The following KIAA0825 variants were observed in gnomAD, a reference collection of about 807,000 sequenced individuals.
KIAA0825 encodes uncharacterized protein KIAA0825.
Under a neutral mutation model 147.6 loss-of-function variants are expected in KIAA0825, and 119 were observed. The ratio of observed to expected loss-of-function variants is 0.81; its 90% CI spans 0.69 to 0.94. KIAA0825 has a LOEUF of 0.94. Ranked by LOEUF, KIAA0825 falls within the 40% of genes least tolerant of loss-of-function variation. The probability of loss-of-function intolerance (pLI) is 0.00; values close to 1 mark genes in which losing one functional copy is unlikely to be tolerated. For synonymous variants in KIAA0825, 470 were observed against 518.1 expected, an observed-to-expected ratio of 0.91 and a Z score of 1.26; for missense variants, 1,381 against 1,472.7, an observed-to-expected ratio of 0.94 and a Z score of 1.02.
At chr5:94,471,354 A>G in intron 9 of KIAA0825, 112 bp downstream of exon 9, 1 of 1,119,832 alleles carries the variant, frequency 8.9e-7, no homozygotes, top group South Asian at 1.7e-5. Context: ...TCACCTTGTT[A>G]ATTATTATTT....
intron 2 of KIAA0825, among the ~76,000 whole-genome samples, chr5:94,564,833 G>A (rs192899522): frequency 2.0e-4 from 30 of 151,744 alleles, no homozygotes; most frequent in African/African-American, 7.0e-4. Flanking sequence ...CCCTGTGCAG[G>A]GTTCAAACCC....
intron 2 of KIAA0825, among the ~76,000 whole-genome samples, chr5:94,545,245 G>A (rs921266789): frequency 7.9e-5 from 12 of 152,148 alleles, no homozygotes; most frequent in African/African-American, 2.9e-4. Flanking sequence ...ACAGGCTGCG[G>A]TGCTCTGGGG....
intron 20 of KIAA0825, among the ~76,000 whole-genome samples, chr5:94,172,488 C>G (rs928835894): frequency 6.6e-6 from 1 of 152,174 alleles, no homozygotes; most frequent in Non-Finnish European, 1.5e-5. Flanking sequence ...TACTCAGCAG[C>G]TTAAAACAAT....
At chr5:94,206,511 G>T (rs1199168597) in intron 20 of KIAA0825, among the ~76,000 whole-genome samples, 1 of 152,130 alleles carries the variant, frequency 6.6e-6, no homozygotes, top group Non-Finnish European at 1.5e-5. Context: ...CAGTAAGCAG[G>T]ATACCTTGTA....
chr5:94,355,690 C>A (rs1784167842), intron 20 of KIAA0825, among the ~76,000 whole-genome samples: 1 of 152,134 alleles, frequency 6.6e-6, no homozygotes, highest in South Asian at 2.1e-4. Flanking sequence ...TGATTTGGTA[C>A]AATATCATTG....
intron 12 of KIAA0825, among the ~76,000 whole-genome samples, chr5:94,453,554 G>C (rs1758706425): frequency 1.3e-5 from 2 of 151,820 alleles, no homozygotes; most frequent in Admixed American, 6.6e-5. Flanking sequence ...CATCCGCTTG[G>C]GATTTATGTT....
chr5:94,266,572 C>T (rs1408692064), intron 20 of KIAA0825, among the ~76,000 whole-genome samples: 3 of 152,098 alleles, frequency 2.0e-5, no homozygotes, highest in Non-Finnish European at 2.9e-5. Flanking sequence ...CATTTCTGTG[C>T]GAGGTCATAT....
At chr5:94,408,139 G>T (rs1752307769) in intron 15 of KIAA0825, among the ~76,000 whole-genome samples, 1 of 152,108 alleles carries the variant, frequency 6.6e-6, no homozygotes, top group African/African-American at 2.4e-5. Flanking sequence ...GCAATGGTTT[G>T]CCAACTTCTA....
chr5:94,613,776 C>T (rs1331458482), intron 1 of KIAA0825, among the ~76,000 whole-genome samples: 1 of 152,192 alleles, frequency 6.6e-6, no homozygotes, highest in Non-Finnish European at 1.5e-5. Flanking sequence ...GAAGGGGGTG[C>T]CCTTTTCTAA....
intron 5 of KIAA0825, among the ~76,000 whole-genome samples, chr5:94,502,565 C>A (rs1253332499): frequency 6.6e-6 from 1 of 152,008 alleles, no homozygotes; most frequent in Non-Finnish European, 1.5e-5. Context: ...AGAATGGTAA[C>A]CCTGGGAAAC....
rs553124125 is a variant in KIAA0825 at position 94,471,526 on chromosome 5, G to A, written c.1661C>T (p.Ala554Val). Reference sequence around the variant, plus strand: ...CTTGAAATGCTGGAAGACATACACCGCTGTGGAGAGGTATGTGTGCAAGTT... The same window carrying A: ...CTTGAAATGCTGGAAGACATACACCACTGTGGAGAGGTATGTGTGCAAGTT... Reference protein sequence around the residue: ...LKNLHTYLSTAVYVFQHFKRY... With the variant: ...LKNLHTYLSTVVYVFQHFKRY... Residue 554 changes from alanine to valine, a missense_variant, in exon 9 of 21, where the codon GCG becomes GTG. Ala to Val is a moderately conservative substitution (Grantham distance 64, BLOSUM62 0). Transcript: ENST00000682413. 67 of 1,551,688 alleles carry A rather than the reference G, an allele frequency of 4.3e-5. No homozygotes were observed. Among genetic ancestry groups the A allele is most frequent in the Non-Finnish European group, 5.3e-5 (61 of 1,146,854 alleles).
At chr5:94,250,176 A>G (rs1041957196) in intron 20 of KIAA0825, among the ~76,000 whole-genome samples, 1 of 152,132 alleles carries the variant, frequency 6.6e-6, no homozygotes, top group Non-Finnish European at 1.5e-5. Flanking sequence ...TGTGATTACT[A>G]AGTGATTTAT....
At chr5:94,585,097 T>C (rs1005713037) in intron 1 of KIAA0825, among the ~76,000 whole-genome samples, 1 of 152,126 alleles carries the variant, frequency 6.6e-6, no homozygotes, top group Non-Finnish European at 1.5e-5. Flanking sequence ...TGCCAAATTA[T>C]AAAGACTATC....
chr5:94,471,804 C>A, intron 8 of KIAA0825, 73 bp from the exon 9 acceptor site: 1 of 1,340,960 alleles, frequency 7.5e-7, no homozygotes, highest in Non-Finnish European at 1.0e-6. Context: ...ACAGTGGAGC[C>A]AAATTCCTAA....
intron 20 of KIAA0825, among the ~76,000 whole-genome samples, chr5:94,348,796 G>A (rs946716469): frequency 2.0e-5 from 3 of 152,108 alleles, no homozygotes; most frequent in African/African-American, 7.2e-5. Flanking sequence ...TCTAAATCTT[G>A]AAACAAATCC....
At chr5:94,566,160 A>C (rs1248314334) in intron 2 of KIAA0825, among the ~76,000 whole-genome samples, 1 of 152,148 alleles carries the variant, frequency 6.6e-6, no homozygotes, top group Non-Finnish European at 1.5e-5. Context: ...TATTTTCTTA[A>C]TCCATTAATC....
intron 20 of KIAA0825, among the ~76,000 whole-genome samples, chr5:94,323,622 G>T (rs187542683): frequency 6.6e-6 from 1 of 151,218 alleles, no homozygotes; most frequent in Non-Finnish European, 1.5e-5. Flanking sequence ...AAGACACTCC[G>T]TTTAAACAGA....
At chr5:94,513,692 A>T (rs1766817558) in intron 5 of KIAA0825, among the ~76,000 whole-genome samples, 1 of 152,104 alleles carries the variant, frequency 6.6e-6, no homozygotes, top group Non-Finnish European at 1.5e-5. Flanking sequence ...TTAGATAAAG[A>T]TATGTACACA....
chr5:94,531,513 C>T (rs1026822200), intron 3 of KIAA0825, among the ~76,000 whole-genome samples: 3 of 152,182 alleles, frequency 2.0e-5, no homozygotes, highest in Non-Finnish European at 1.5e-5. Flanking sequence ...AAAGTTTAGG[C>T]TACTGCGCTG....
Sources: allele counts gnomAD v4.1 joint callset (sites outside exome capture counted in the v4.1 genomes callset), GRCh38; gene constraint gnomAD v4.1.1; transcripts MANE v1.5; gene names NCBI Gene and HGNC (gene_info 2026-07-23, HGNC 2026-07-21).